The following CFLAR variants were observed in gnomAD, a reference collection of about 807,000 sequenced individuals.
The protein encoded by CFLAR is CASP8 and FADD like apoptosis regulator.
Under a neutral mutation model 51.1 loss-of-function variants are expected in CFLAR, and 14 were observed. The observed-to-expected ratio is 0.27, with a 90% confidence interval of 0.18 to 0.43. CFLAR has a LOEUF of 0.43. Ranked by LOEUF, CFLAR falls within the 20% of genes least tolerant of loss-of-function variation. CFLAR has a pLI of 1.00. For missense variants in CFLAR, 390 were observed against 566.5 expected (o/e 0.69, Z 3.16); for synonymous variants, 210 against 211.6 (o/e 0.99, Z 0.06).
rs1473113688 is a variant in CFLAR, at chr2:201,167,495, G to C, written c.*3522G>C. ...CACTTCAGCATGGGAGACAGAGTGA[G>C]ACCCTGTTTCAGAAAAAATAAATAA... On this transcript the variant is annotated 3_prime_UTR_variant, in exon 10 of 10. Coordinates refer to ENST00000309955, the MANE Select transcript of CFLAR (RefSeq NM_003879.7). The C allele has an allele frequency of 6.6e-6, 1 of 152,178 alleles. No individual in the cohort carries two copies. The highest frequency in any genetic ancestry group is 1.9e-4 in the East Asian group (1 of 5,204). The allele number at this position is 152,178 out of a possible 1,614,324, so 9.4% of individuals were successfully genotyped here.
intron 3 of CFLAR, among the ~76,000 whole-genome samples, chr2:201,133,790 G>C (rs534138499): frequency 6.6e-6 from 1 of 151,986 alleles, no homozygotes; most frequent in East Asian, 1.9e-4. Flanking sequence ...AAGTAGCCGG[G>C]TGTGGTGGCG....
In CFLAR at chr2:201,176,343, A is replaced by G. The variant is rs1051178294; in HGVS notation, c.*12370A>G. 2.1e-5 allele frequency: 3 copies of G among 145,914 alleles called. No homozygotes were observed. In the Admixed American group the frequency reaches 2.1e-4, roughly 10 times the overall value. 9.0% of individuals were successfully genotyped at this position (145,914 alleles called of 1,614,324 possible). A position where few individuals can be genotyped will look rare whatever the true frequency, so the allele number is the denominator to read the frequency against. ...ACCACCTGTGACCAATTATTACTTTACAGAAACATTTAACAACCGCCTGAC... is the reference window on the plus strand; with the variant it reads ...ACCACCTGTGACCAATTATTACTTTGCAGAAACATTTAACAACCGCCTGAC... On this transcript the variant is annotated 3_prime_UTR_variant, in exon 10 of 10. Coordinates refer to ENST00000309955, the MANE Select transcript of CFLAR (RefSeq NM_003879.7).
intron 3 of CFLAR, among the ~76,000 whole-genome samples, chr2:201,135,598 G>C (rs1343892863): frequency 2.0e-5 from 3 of 152,046 alleles, no homozygotes; most frequent in Non-Finnish European, 4.4e-5. Flanking sequence ...AAATCACATG[G>C]ACTGAGGTTT....
At chr2:201,143,181 AT>A (rs1181475631) in intron 5 of CFLAR, among the ~76,000 whole-genome samples, 1 of 152,134 alleles carries the variant, frequency 6.6e-6, no homozygotes, top group African/African-American at 2.4e-5. Flanking sequence ...AACTTTCTAT[AT>A]TTAATATGTG....
Position 201,160,750 on chromosome 2 carries a change from G to C in CFLAR, c.1112G>C (p.Ser371Thr). Residue 371 changes from serine to threonine, a missense_variant, in exon 9 of 10, where the codon AGC (serine) becomes ACC (threonine). Ser to Thr is a moderately conservative substitution (Grantham distance 58, BLOSUM62 1). Transcript: ENST00000309955. Reference sequence around the variant, plus strand: ...TCAGAGGGCCAGCTGGAGGACAGCAGCCTCTTGGAGGTGGATGGGCCAGCG... The same window carrying C: ...TCAGAGGGCCAGCTGGAGGACAGCACCCTCTTGGAGGTGGATGGGCCAGCG... ...VVSEGQLEDS[S>T]LLEVDGPAMK... 6.2e-7 allele frequency: 1 copy of C among 1,614,124 alleles called. No individual in the cohort carries two copies. Among genetic ancestry groups the C allele is most frequent in the Non-Finnish European group, 8.5e-7 (1 of 1,180,006 alleles).
In CFLAR at chr2:201,172,389, C is replaced by G. The variant is rs904363794; in HGVS notation, c.*8416C>G. 1.3e-5 allele frequency: 2 copies of G among 152,102 alleles called. No individual in the cohort carries two copies. The highest frequency in any genetic ancestry group is 4.8e-5 in the African/African-American group (2 of 41,404). The allele number at this position is 152,102 out of a possible 1,614,324, so 9.4% of individuals were successfully genotyped here. The stretch of plus-strand genomic sequence containing the variant: ...TTGTGGCATGGGATTGTGACATATC[C>G]TAGGTTTCCTCATCTTCTTTTTATT... On this transcript the variant is annotated 3_prime_UTR_variant, in exon 10 of 10. Transcript: ENST00000309955.
Position 201,116,739 on chromosome 2 carries a change from G to A in CFLAR, c.-138+258G>A, listed in dbSNP as rs2047630159. ...ATCTCGGTTGTTTACCGCGGGCTTT[G>A]CGGAATGCCCCCGCTTCCGTTTCCG... is the stretch of plus-strand genomic sequence containing the variant. On this transcript the variant is annotated intron_variant, in intron 1 of 9. Coordinates refer to ENST00000309955, the MANE Select transcript of CFLAR (RefSeq NM_003879.7). The surrounding 1 kb of genome is among the most constrained non-coding windows in gnomAD (Gnocchi z 4.8). 6.6e-6 allele frequency: 1 copy of A among 152,252 alleles called. No individual in the cohort carries two copies. The highest frequency in any genetic ancestry group is 2.1e-4 in the South Asian group (1 of 4,828). The allele number at this position is 152,252 out of a possible 1,614,324, so 9.4% of individuals were successfully genotyped here.
intron 4 of CFLAR, chr2:201,137,102 G>A (rs182559876): frequency 5.1e-4 from 91 of 178,352 alleles, no homozygotes; most frequent in Admixed American, 1.6e-3. Flanking sequence ...AGGGGGCAGC[G>A]GCCTGGGAAG....
chr2:201,138,081 C>G lies in CFLAR; in HGVS notation c.523+1974C>G. 1 of 735,976 alleles carries G rather than the reference C, an allele frequency of 1.4e-6. No homozygotes were observed. Among genetic ancestry groups the G allele is most frequent in the Non-Finnish European group, 2.5e-6 (1 of 395,798 alleles). 45.6% of individuals were successfully genotyped at this position (735,976 alleles called of 1,614,324 possible). The stretch of plus-strand genomic sequence containing the variant: ...TTCCTGGTTGATGTAGATGGAGCCG[C>G]GCAGTCCATGCCCCTGCCCAGCCCA... On this transcript the variant is annotated intron_variant, in intron 4 of 9. Transcript: ENST00000309955. The surrounding 1 kb of genome is among the most constrained non-coding windows in gnomAD (Gnocchi z 4.0).
chr2:201,133,048 G>A lies in CFLAR; in HGVS notation c.301G>A (p.Gly101Ser). ...SDYRVLMAEIGEDLDKSDVSS... is the reference protein window; with the variant it reads ...SDYRVLMAEISEDLDKSDVSS... ...TTGCAGAGTGCTGATGGCAGAGATT[G>A]GTGAGGATTTGGATAAATCTGATGT... is the stretch of plus-strand genomic sequence containing the variant. Residue 101 changes from glycine (G) to serine (S), a missense_variant, in exon 3 of 10, where the codon GGT becomes AGT. By Grantham distance (56) the Gly-to-Ser change is moderately conservative. This residue lies in a region of CFLAR where 103 missense variants were observed against 202.9 expected (regional missense o/e 0.51). Coordinates refer to ENST00000309955, the MANE Select transcript of CFLAR (RefSeq NM_003879.7). 6.2e-7 allele frequency: 1 copy of A among 1,607,006 alleles called. No homozygotes were observed. The highest frequency in any genetic ancestry group is 8.5e-7 in the Non-Finnish European group (1 of 1,173,498).
rs1204094885 is a variant in CFLAR at position 201,165,508 on chromosome 2, G to A, written c.*1535G>A. 3.3e-5 allele frequency: 5 copies of A among 152,288 alleles called. No individual in the cohort carries two copies. The highest frequency in any genetic ancestry group is 5.9e-5 in the Non-Finnish European group (4 of 68,220). The allele number at this position is 152,288 out of a possible 1,614,324, so 9.4% of individuals were successfully genotyped here. A position where few individuals can be genotyped will look rare whatever the true frequency, so the allele number is the denominator to read the frequency against. On this transcript the variant is annotated 3_prime_UTR_variant, in exon 10 of 10. Coordinates refer to ENST00000309955, the MANE Select transcript of CFLAR (RefSeq NM_003879.7). Reference sequence around the variant, plus strand: ...CGTGGTCTTGAACTCCTGACCTCAGGTGATTCACCAGCCTCGGCCTCCCAA... The same window carrying A: ...CGTGGTCTTGAACTCCTGACCTCAGATGATTCACCAGCCTCGGCCTCCCAA...
intron 4 of CFLAR, chr2:201,137,020 G>T: frequency 5.6e-6 from 1 of 177,154 alleles, no homozygotes. Flanking sequence ...CCTAAGGGTA[G>T]CCCAGAGCTG....
intron 9 of CFLAR, chr2:201,162,522 A>G (rs1943159410): frequency 5.4e-6 from 1 of 185,076 alleles, no homozygotes; most frequent in Non-Finnish European, 1.2e-5. Flanking sequence ...GGGGACAAGG[A>G]CTGCTTCAGT....
intron 8 of CFLAR, among the ~76,000 whole-genome samples, chr2:201,156,376 G>A (rs1014222207): frequency 2.0e-5 from 3 of 152,128 alleles, no homozygotes; most frequent in African/African-American, 7.2e-5. Context: ...CACTAAGAAT[G>A]TTTTGCCCAT....
Position 201,169,090 on chromosome 2 carries a change from C to T in CFLAR, c.*5117C>T, listed in dbSNP as rs1559275259. 6.6e-6 allele frequency: 1 copy of T among 152,076 alleles called. No homozygotes were observed. 9.4% of individuals were successfully genotyped at this position (152,076 alleles called of 1,614,324 possible). A position where few individuals can be genotyped will look rare whatever the true frequency, so the allele number is the denominator to read the frequency against. ...CCATTAAACTACTATTGACATTCTTCACAGAATTAGAAAAAAACTACTTTA... is the reference window on the plus strand; with the variant it reads ...CCATTAAACTACTATTGACATTCTTTACAGAATTAGAAAAAAACTACTTTA... On this transcript the variant is annotated 3_prime_UTR_variant, in exon 10 of 10. Transcript: ENST00000309955.
At chr2:201,162,700 A>C in intron 9 of CFLAR, 1 of 244,466 alleles carries the variant, frequency 4.1e-6, no homozygotes, top group Non-Finnish European at 8.4e-6. Context: ...GCACACAGGG[A>C]GAGGACAAGG....
At chr2:201,155,990 T>G (rs1027902180) in intron 8 of CFLAR, among the ~76,000 whole-genome samples, 2 of 152,072 alleles carry the variant, frequency 1.3e-5, no homozygotes, top group African/African-American at 4.8e-5. Context: ...AACTCCTGGC[T>G]TCAAGTGATC....
In CFLAR at chr2:201,138,490, C is replaced by A; in HGVS notation, c.524-1867C>A. 8.4e-7 allele frequency: 1 copy of A among 1,187,606 alleles called. No individual in the cohort carries two copies. The highest frequency in any genetic ancestry group is 1.2e-6 in the Non-Finnish European group (1 of 801,604). 73.6% of individuals were successfully genotyped at this position (1,187,606 alleles called of 1,614,324 possible). A position where few individuals can be genotyped will look rare whatever the true frequency, so the allele number is the denominator to read the frequency against. On this transcript the variant is annotated intron_variant, in intron 4 of 9. Transcript: ENST00000309955. The surrounding 1 kb of genome is among the most constrained non-coding windows in gnomAD (Gnocchi z 4.0). ...ATTTGCCTCTTTCAACCTCACACTGCTGGAGCCACCACTAGCTTGATCCTT... is the reference window on the plus strand; with the variant it reads ...ATTTGCCTCTTTCAACCTCACACTGATGGAGCCACCACTAGCTTGATCCTT...
In CFLAR at chr2:201,129,977, A is replaced by G; in HGVS notation, c.112A>G (p.Arg38Gly). ...TATAGATGTGGTTCCACCTAATGTC[A>G]GGGACCTTCTGGATATTTTACGGGA... ...VAIDVVPPNV[R>G]DLLDILRERG... Residue 38 changes from arginine to glycine, a missense_variant, in exon 2 of 10, where the codon AGG becomes GGG. By Grantham distance (125) the Arg-to-Gly change is moderately radical. Around this residue, in one of 2 missense-constraint regions of CFLAR, gnomAD observed 103 missense variants for 202.9 expected, o/e 0.51. Coordinates refer to ENST00000309955, the MANE Select transcript of CFLAR (RefSeq NM_003879.7). 6.2e-7 allele frequency: 1 copy of G among 1,614,166 alleles called. No individual in the cohort carries two copies.
Sources: gnomAD v4.1 joint callset for allele counts (sites outside exome capture counted in the v4.1 genomes callset) on GRCh38, gnomAD v4.1.1 for gene constraint, gnomAD v4.1.1 regional missense constraint, Gnocchi (gnomAD v3.1) non-coding constraint, MANE v1.5 for transcripts, NCBI Gene and HGNC (gene_info 2026-07-23, HGNC 2026-07-21) for gene names.